PSPC1: variants seen among roughly 807,000 people sequenced by gnomAD.
PSPC1 encodes paraspeckle protein 1.
In PSPC1, 14 loss-of-function variants were observed where a neutral mutation model predicts 51.6. The ratio of observed to expected loss-of-function variants is 0.27; its 90% CI spans 0.18 to 0.42. PSPC1 has a LOEUF of 0.42. Ranked by LOEUF, PSPC1 falls within the 10% of genes least tolerant of loss-of-function variation. The pLI is 1.00. For missense variants in PSPC1, 406 were observed against 701.1 expected, an observed-to-expected ratio of 0.58 and a Z score of 4.75; for synonymous variants, 193 against 231.9, an observed-to-expected ratio of 0.83 and a Z score of 1.53.
At chr13:19,781,145 C>CA (rs531065939) in intron 1 of PSPC1, among the ~76,000 whole-genome samples, 2,543 of 70,422 alleles carry the variant, frequency 0.036, 73 homozygotes, top group African/African-American at 0.1. Flanking sequence ...GACCCAGTCT[C>CA]AAAAAAAAAA....
At chr13:19,688,690 T>C (rs1259762072) in intron 6 of PSPC1, among the ~76,000 whole-genome samples, 1 of 152,196 alleles carries the variant, frequency 6.6e-6, no homozygotes, top group Non-Finnish European at 1.5e-5. Flanking sequence ...GAGCTTATAT[T>C]CCATGCCACC....
intron 5 of PSPC1, among the ~76,000 whole-genome samples, chr13:19,739,757 A>C (rs188709334): frequency 6.6e-6 from 1 of 150,808 alleles, no homozygotes; most frequent in African/African-American, 2.4e-5. Context: ...AATAAAATTT[A>C]AAAAAAAAGT....
chr13:19,671,646 T>C (rs1876134912), downstream of PSPC1, among the ~76,000 whole-genome samples: 1 of 152,160 alleles, frequency 6.6e-6, no homozygotes, highest in South Asian at 2.1e-4. Context: ...AAAACAGTAA[T>C]ATAAAATTAT....
At chr13:19,677,713 T>TAG (rs1389087756) in intron 7 of PSPC1, 1 of 455,218 alleles carries the variant, frequency 2.2e-6, no homozygotes, top group Non-Finnish European at 4.4e-6. Flanking sequence ...AATGAGCAGA[T>TAG]ACGGACTGAC....
chr13:19,685,648 C>T (rs909824240), intron 6 of PSPC1, among the ~76,000 whole-genome samples: 8 of 152,120 alleles, frequency 5.3e-5, no homozygotes, highest in African/African-American at 1.7e-4. Flanking sequence ...AGTGCAGCAG[C>T]AAGAGTAGAG....
intron 6 of PSPC1, among the ~76,000 whole-genome samples, chr13:19,723,821 T>C (rs1883055601): frequency 1.3e-5 from 2 of 152,252 alleles, no homozygotes; most frequent in Admixed American, 1.3e-4. Context: ...ATAAATTATT[T>C]TAATGAATAA....
chr13:19,759,332 T>G lies in PSPC1; in HGVS notation c.761A>C (p.Gln254Pro). Residue 254 changes from glutamine (Q) to proline (P), a missense_variant, in exon 3 of 9, where the codon CAA (glutamine) becomes CCA (proline). Physicochemically the swap from Gln to Pro is moderately conservative, Grantham distance 76. Coordinates refer to ENST00000338910, the MANE Select transcript of PSPC1 (RefSeq NM_001354909.2). Reference sequence around the variant, plus strand: ...ATTAATAAAATCTTACTTATGATATTGTTGAGTTTTCTGCATCAGCTTCTC... The same window carrying G: ...ATTAATAAAATCTTACTTATGATATGGTTGAGTTTTCTGCATCAGCTTCTC... ...LPEKLMQKTQ[Q>P]YHKEREQPPR... 6.2e-7 allele frequency: 1 copy of G among 1,612,370 alleles called. No individual in the cohort carries two copies. Among genetic ancestry groups the G allele is most frequent in the Non-Finnish European group, 8.5e-7 (1 of 1,178,414 alleles).
chr13:19,699,908 C>T (rs932055215), downstream of PSPC1, among the ~76,000 whole-genome samples: 2 of 151,986 alleles, frequency 1.3e-5, no homozygotes, highest in African/African-American at 4.8e-5. Context: ...TGTAACAAAA[C>T]TCTGAACACC....
At position 19,741,561 on chromosome 13, in the gene PSPC1, T is replaced by C; in HGVS notation, c.1052+4A>G. ...TCATGTTTCTTAAAATGATCTTCTT[T>C]TACCTTAGTTGTATTTGCTTCCGTT... On this transcript the variant is annotated splice_donor_region_variant and intron_variant, in intron 5 of 8. Coordinates refer to ENST00000338910, the MANE Select transcript of PSPC1 (RefSeq NM_001354909.2). 2 of 1,555,250 alleles carry C rather than the reference T, an allele frequency of 1.3e-6. No individual in the cohort carries two copies. Among genetic ancestry groups the C allele is most frequent in the South Asian group, 1.2e-5 (1 of 86,216 alleles).
Position 19,772,440 on chromosome 13 carries a change from G to C in PSPC1, c.476C>G (p.Thr159Ser), listed in dbSNP as rs1222214599. The C allele has an allele frequency of 6.2e-7, 1 of 1,614,130 alleles. No homozygotes were observed. The highest frequency in any genetic ancestry group is 2.2e-5 in the East Asian group (1 of 44,900). ...IRFATHGAAL[T>S]VKNLSPVVSN... ...AACAACTGGAGAAAGGTTCTTGACA[G>C]TCAAGGCTGCTCCATGTGTAGCGAA... Residue 159 changes from threonine (T) to serine (S), a missense_variant, in exon 2 of 9, where the codon ACT (threonine) becomes AGT (serine). Physicochemically the swap from Thr to Ser is moderately conservative, Grantham distance 58. Transcript: ENST00000338910.
At chr13:19,700,888 C>A (rs1321621978), downstream of PSPC1, among the ~76,000 whole-genome samples, 3 of 152,088 alleles carry the variant, frequency 2.0e-5, no homozygotes, top group African/African-American at 7.2e-5. Flanking sequence ...CAAAAATCTT[C>A]CTTGGTATAC....
chr13:19,682,772 C>G (rs531406855), intron 6 of PSPC1, among the ~76,000 whole-genome samples: 7 of 152,150 alleles, frequency 4.6e-5, no homozygotes, highest in East Asian at 1.9e-4. Flanking sequence ...ATTAATAGAA[C>G]CTGCCCTAGA....
In PSPC1 at chr13:19,730,353, T is replaced by TAGATC. The variant is rs1883898339; in HGVS notation, c.1053-10_1053-9insGATCT. 1 of 1,613,108 alleles carries TAGATC rather than the reference T, an allele frequency of 6.2e-7. No individual in the cohort carries two copies. The highest frequency in any genetic ancestry group is 1.3e-5 in the African/African-American group (1 of 74,830). ...GATGCTCCTCTTCATGTCTGAAAATTTTTCAAATAAAAATTTCAGCATCAT... is the reference window on the plus strand; with the variant it reads ...GATGCTCCTCTTCATGTCTGAAAATTAGATCTTTCAAATAAAAATTTCAGCATCAT... On this transcript the variant is annotated splice_polypyrimidine_tract_variant and intron_variant, in intron 5 of 8. Coordinates refer to ENST00000338910, the MANE Select transcript of PSPC1 (RefSeq NM_001354909.2).
chr13:19,696,801 T>G (rs2137681207), intron 6 of PSPC1, among the ~76,000 whole-genome samples: 1 of 152,322 alleles, frequency 6.6e-6, no homozygotes, highest in East Asian at 1.9e-4. Flanking sequence ...TTATTTCATC[T>G]CATACTGGTA....
chr13:19,757,610 C>G (rs1593728642), intron 3 of PSPC1, among the ~76,000 whole-genome samples: 1 of 152,130 alleles, frequency 6.6e-6, no homozygotes, highest in East Asian at 1.9e-4. Context: ...AGGACATACA[C>G]CGAGTAAATG....
intron 4 of PSPC1, among the ~76,000 whole-genome samples, chr13:19,751,006 T>G (rs2138124658): frequency 6.6e-6 from 1 of 152,088 alleles, no homozygotes; most frequent in East Asian, 1.9e-4. Context: ...CGACCTCAGG[T>G]GATCCATCTG....
At chr13:19,720,357 G>A (rs1393948478) in intron 6 of PSPC1, among the ~76,000 whole-genome samples, 1 of 152,194 alleles carries the variant, frequency 6.6e-6, no homozygotes, top group Non-Finnish European at 1.5e-5. Context: ...ACAAGCAGCA[G>A]TTCCAAATTG....
At chr13:19,671,431 C>T, downstream of PSPC1, 2 of 677,226 alleles carry the variant, frequency 3.0e-6, no homozygotes, top group Non-Finnish European at 5.1e-6. Context: ...ATGCTAGGTG[C>T]ACCCTCTCTC....
At position 19,741,794 on chromosome 13, in the gene PSPC1, T is replaced by C. The variant is rs779941633; in HGVS notation, c.968-145A>G. On this transcript the variant is annotated intron_variant, in intron 4 of 8. Coordinates refer to ENST00000338910, the MANE Select transcript of PSPC1 (RefSeq NM_001354909.2). ...TGTAAGCTGGGTAATTAAATAAATA[T>C]CCTTTCTGAGCACGTTTCTTCACGT... The C allele has an allele frequency of 7.9e-6, 4 of 506,678 alleles. No homozygotes were observed. In the South Asian group the frequency reaches 1.1e-4, roughly 14 times the overall value. 31.4% of individuals were successfully genotyped at this position (506,678 alleles called of 1,614,324 possible).
Sources: allele counts gnomAD v4.1 joint callset (sites outside exome capture counted in the v4.1 genomes callset), GRCh38; gene constraint gnomAD v4.1.1; transcripts MANE v1.5; gene names NCBI Gene and HGNC (gene_info 2026-07-23, HGNC 2026-07-21).